The following POLA1 variants were observed in gnomAD, a reference collection of about 807,000 sequenced individuals.
POLA1 encodes DNA polymerase alpha 1, catalytic subunit.
POLA1 carries 15 observed loss-of-function variants against 124.0 expected under a neutral mutation model. That is an observed-to-expected ratio of 0.12 (90% CI 0.08 to 0.19). POLA1 has a LOEUF of 0.19. POLA1 is among the 10% of genes least tolerant of loss of function. The pLI, the probability that POLA1 is intolerant of heterozygous loss-of-function variation, is 1.00. For missense variants in POLA1, 886 were observed against 1,103.4 expected (o/e 0.80, Z 2.79); for synonymous variants, 408 against 389.4 (o/e 1.05, Z -0.56).
intron 26 of POLA1, among the ~76,000 whole-genome samples, chrX:24,801,250 AATGTGTAC>A (rs2045699967): frequency 8.9e-6 from 1 of 111,965 alleles, no homozygotes; most frequent in Non-Finnish European, 1.9e-5. Flanking sequence ...CCAGCATTTA[AATGTGTAC>A]TGTGTGTGGG....
At chrX:24,965,581 C>G (rs1039551201) in intron 36 of POLA1, among the ~76,000 whole-genome samples, 2 of 112,157 alleles carry the variant, frequency 1.8e-5, no homozygotes, top group African/African-American at 6.5e-5. Flanking sequence ...ACCAGTAAAA[C>G]TGCCTGACCT....
intron 35 of POLA1, among the ~76,000 whole-genome samples, chrX:24,926,268 A>G (rs1426149323): frequency 9.0e-6 from 1 of 111,007 alleles, no homozygotes; most frequent in Non-Finnish European, 1.9e-5. Context: ...GTACGACTGC[A>G]TGCACATAAA....
chrX:24,818,323 T>A (rs961353154), intron 30 of POLA1, among the ~76,000 whole-genome samples: 8 of 111,291 alleles, frequency 7.2e-5, no homozygotes, highest in African/African-American at 2.3e-4. Flanking sequence ...TGAAGAATAA[T>A]CCATTGAAGA....
intron 35 of POLA1, among the ~76,000 whole-genome samples, chrX:24,906,694 C>T (rs896146267): frequency 1.8e-5 from 2 of 109,914 alleles, no homozygotes; most frequent in African/African-American, 6.6e-5. Context: ...TTTTAACTCA[C>T]AGAGTGGTTG....
At chrX:24,990,043 A>T (rs1286223115) in intron 36 of POLA1, among the ~76,000 whole-genome samples, 1 of 112,065 alleles carries the variant, frequency 8.9e-6, no homozygotes, top group Non-Finnish European at 1.9e-5. Flanking sequence ...GTTTTAAAAA[A>T]TTGCAATAAA....
At chrX:24,741,299 A>G in intron 20 of POLA1, 76 bp from the exon 21 acceptor site, 2 of 793,474 alleles carry the variant, frequency 2.5e-6, no homozygotes, top group Non-Finnish European at 3.6e-6. Flanking sequence ...TCCTTATAAT[A>G]TTTTGTGAAG....
chrX:24,782,209 T>C (rs1235637047), intron 26 of POLA1, among the ~76,000 whole-genome samples: 1 of 111,851 alleles, frequency 8.9e-6, no homozygotes, highest in Non-Finnish European at 1.9e-5. Flanking sequence ...ACAACCCACA[T>C]GGGAAGCCAA....
chrX:24,695,278 T>G (rs1012125062), intron 1 of POLA1, among the ~76,000 whole-genome samples: 30 of 111,323 alleles, frequency 2.7e-4, no homozygotes, highest in African/African-American at 9.2e-4. Flanking sequence ...TATTTAAACC[T>G]TTGTAGCTGG....
At chrX:24,853,504 A>G (rs2046593385) in intron 34 of POLA1, among the ~76,000 whole-genome samples, 1 of 112,123 alleles carries the variant, frequency 8.9e-6, no homozygotes, top group Non-Finnish European at 1.9e-5. Context: ...GTTCACTGAC[A>G]TGAAGAATTT....
chrX:24,920,435 G>A (rs1395284520), intron 35 of POLA1, among the ~76,000 whole-genome samples: 1 of 111,408 alleles, frequency 9.0e-6, no homozygotes, highest in African/African-American at 3.3e-5. Context: ...ATTGTAGCCT[G>A]TGTGAGGGAG....
At chrX:24,797,882 T>TAA (rs769794501) in intron 26 of POLA1, among the ~76,000 whole-genome samples, 1 of 96,739 alleles carries the variant, frequency 1.0e-5, no homozygotes. Flanking sequence ...ACCCTGTCTT[T>TAA]AAAAAAAAAA....
intron 26 of POLA1, among the ~76,000 whole-genome samples, chrX:24,760,969 C>G (rs11573381): frequency 0.058 from 6,471 of 111,181 alleles, 446 homozygotes; most frequent in African/African-American, 0.2. Flanking sequence ...TGGCTTGTAT[C>G]CCTTTTAAAC....
At chrX:24,788,995 G>A in intron 26 of POLA1, 1 of 1,210,156 alleles carries the variant, frequency 8.3e-7, no homozygotes, top group Non-Finnish European at 1.1e-6. Context: ...CATACCCCTC[G>A]ATGTAGCTCT....
chrX:24,807,664 C>G (rs2045822804), intron 26 of POLA1, among the ~76,000 whole-genome samples: 1 of 111,587 alleles, frequency 9.0e-6, no homozygotes, highest in Admixed American at 9.5e-5. Flanking sequence ...TGTGGTCTGA[C>G]CTCCAGGAGC....
intron 26 of POLA1, among the ~76,000 whole-genome samples, chrX:24,751,444 A>C (rs1932316693): frequency 8.9e-6 from 1 of 112,226 alleles, no homozygotes; most frequent in Non-Finnish European, 1.9e-5. Context: ...TCCACTAAAA[A>C]ACAAAGGATT....
chrX:24,761,092 G>A (rs1932786568), intron 26 of POLA1, among the ~76,000 whole-genome samples: 1 of 112,019 alleles, frequency 8.9e-6, no homozygotes, highest in African/African-American at 3.2e-5. Context: ...TTTTAAAAGA[G>A]CAACAAAGCA....
chrX:24,843,527 C>T lies in POLA1; in HGVS notation c.3916-19C>T, dbSNP rs2046436014. On this transcript the variant is annotated intron_variant, in intron 33 of 36. Coordinates refer to ENST00000379068, the MANE Select transcript of POLA1 (RefSeq NM_001330360.2). Reference sequence around the variant, plus strand: ...TAGCCTCACAGTAATTTTTTGTATACTTCTCCTGACTTATGTAGGGAACAG... The same window carrying T: ...TAGCCTCACAGTAATTTTTTGTATATTTCTCCTGACTTATGTAGGGAACAG... 1 of 1,142,283 alleles carries T rather than the reference C, an allele frequency of 8.8e-7. No individual in the cohort carries two copies. The highest frequency in any genetic ancestry group is 1.2e-6 in the Non-Finnish European group (1 of 859,357). The allele number at this position is 1,142,283 out of a possible 1,213,427, so 94.1% of individuals were successfully genotyped here.
chrX:24,936,983 T>C (rs1224772346), intron 36 of POLA1, among the ~76,000 whole-genome samples: 1 of 112,353 alleles, frequency 8.9e-6, no homozygotes, highest in Non-Finnish European at 1.9e-5. Flanking sequence ...GCAATTTTCT[T>C]TAGAAAAATA....
intron 35 of POLA1, among the ~76,000 whole-genome samples, chrX:24,894,304 G>A (rs756424109): frequency 1.8e-5 from 2 of 112,008 alleles, no homozygotes; most frequent in South Asian, 7.5e-4. Flanking sequence ...AGTGTTTTTC[G>A]TTTTGAGCAT....
Sources: gnomAD v4.1 joint callset for allele counts (sites outside exome capture counted in the v4.1 genomes callset) on GRCh38, gnomAD v4.1.1 for gene constraint, MANE v1.5 for transcripts, NCBI Gene and HGNC (gene_info 2026-07-23, HGNC 2026-07-21) for gene names.